NPAS3: variants seen among roughly 807,000 people sequenced by gnomAD.
The protein encoded by NPAS3 is neuronal PAS domain protein 3.
Under a neutral mutation model 73.1 loss-of-function variants are expected in NPAS3, and 14 were observed. That is an observed-to-expected ratio of 0.19 (90% CI 0.13 to 0.30). The LOEUF is 0.30. Ranked by LOEUF, NPAS3 falls within the 10% of genes least tolerant of loss-of-function variation. The pLI, the probability that NPAS3 is intolerant of heterozygous loss-of-function variation, is 1.00. For missense variants in NPAS3, 1,096 were observed against 1,250.0 expected (o/e 0.88, Z 1.86); for synonymous variants, 620 against 541.5 (o/e 1.14, Z -2.01).
At chr14:33,262,878 G>A (rs1466742145) in intron 3 of NPAS3, among the ~76,000 whole-genome samples, 2 of 152,142 alleles carry the variant, frequency 1.3e-5, no homozygotes, top group Non-Finnish European at 2.9e-5. Context: ...GGCCAGTGAT[G>A]ATGAGCATTT....
In NPAS3 at chr14:33,648,430, T is replaced by C. The variant is rs149341102; in HGVS notation, c.559-27781T>C. The stretch of plus-strand genomic sequence containing the variant: ...CCATTTACATCCCTAACCTATTTAA[T>C]GTTTTAAAACATTTTTCACAGAAAA... On this transcript the variant is annotated intron_variant, in intron 5 of 11. Transcript: ENST00000356141. 7.9e-4 allele frequency among the ~76,000 whole-genome samples: 120 copies of C among 152,356 alleles called. No individual in the cohort carries two copies. In the East Asian group the frequency reaches 0.02, roughly 25 times the overall value.
At chr14:33,353,068 C>T (rs1174360471) in intron 3 of NPAS3, among the ~76,000 whole-genome samples, 1 of 150,524 alleles carries the variant, frequency 6.6e-6, no homozygotes, top group Non-Finnish European at 1.5e-5. Flanking sequence ...TTTATATAAA[C>T]ATTTTTGAAA....
At chr14:33,517,553 G>T (rs1158493163) in intron 4 of NPAS3, among the ~76,000 whole-genome samples, 1 of 151,944 alleles carries the variant, frequency 6.6e-6, no homozygotes, top group Non-Finnish European at 1.5e-5. Flanking sequence ...CTTTGCTTAG[G>T]CTGTTTCTTC....
chr14:33,025,008 T>G (rs895606319), intron 1 of NPAS3, among the ~76,000 whole-genome samples: 2 of 152,246 alleles, frequency 1.3e-5, no homozygotes, highest in African/African-American at 4.8e-5. Context: ...TGTGCATATC[T>G]AAATTGTTAG....
chr14:33,115,223 T>C (rs145363818), intron 2 of NPAS3, among the ~76,000 whole-genome samples: 1 of 152,142 alleles, frequency 6.6e-6, no homozygotes, highest in Non-Finnish European at 1.5e-5. Flanking sequence ...CTTTGATAGT[T>C]GGTGGGTGAT....
chr14:33,638,661 A>T (rs2058593576), intron 5 of NPAS3, among the ~76,000 whole-genome samples: 1 of 152,222 alleles, frequency 6.6e-6, no homozygotes, highest in Admixed American at 6.5e-5. Context: ...GGGCAACATC[A>T]TTGCTGGGCT....
intron 5 of NPAS3, among the ~76,000 whole-genome samples, chr14:33,593,132 G>T (rs866791334): frequency 4.6e-5 from 7 of 151,996 alleles, no homozygotes; most frequent in Non-Finnish European, 8.8e-5. Flanking sequence ...AGCACCTATC[G>T]TTTATGAAGT....
chr14:33,618,322 C>T (rs2057981161), intron 5 of NPAS3, among the ~76,000 whole-genome samples: 1 of 152,030 alleles, frequency 6.6e-6, no homozygotes, highest in Non-Finnish European at 1.5e-5. Context: ...AACTATACAA[C>T]TCACCATAAT....
intron 6 of NPAS3, chr14:33,680,843 G>A (rs2140357921): frequency 3.7e-6 from 2 of 547,674 alleles, no homozygotes; most frequent in East Asian, 3.0e-5. Flanking sequence ...TAACCCATTG[G>A]TTGTGTAAAG....
At chr14:33,087,624 A>C (rs557707082) in intron 2 of NPAS3, among the ~76,000 whole-genome samples, 6 of 152,322 alleles carry the variant, frequency 3.9e-5, no homozygotes, top group Non-Finnish European at 8.8e-5. Flanking sequence ...ACAAAAAAGT[A>C]GTATTATATT....
chr14:33,250,469 G>A (rs1233337846), intron 3 of NPAS3, among the ~76,000 whole-genome samples: 5 of 152,060 alleles, frequency 3.3e-5, no homozygotes, highest in African/African-American at 1.2e-4. Flanking sequence ...ATTCCAAAGA[G>A]CGGTATTTTT....
intron 3 of NPAS3, among the ~76,000 whole-genome samples, chr14:33,319,338 C>T (rs974697953): frequency 3.9e-5 from 6 of 152,062 alleles, no homozygotes; most frequent in Admixed American, 3.3e-4. Context: ...TAGACTCTAC[C>T]TCATGATGGG....
intron 3 of NPAS3, among the ~76,000 whole-genome samples, chr14:33,220,277 A>G (rs1237761939): frequency 6.6e-6 from 1 of 152,124 alleles, no homozygotes; most frequent in African/African-American, 2.4e-5. Flanking sequence ...GTTTTGTCCC[A>G]ATCCATAGTA....
At chr14:33,631,154 G>T (rs1268248467) in intron 5 of NPAS3, among the ~76,000 whole-genome samples, 6 of 152,152 alleles carry the variant, frequency 3.9e-5, no homozygotes, top group African/African-American at 7.2e-5. Context: ...GTGCTGCTTT[G>T]CTTCTCTCAT....
chr14:33,179,130 C>G (rs2045704775), intron 2 of NPAS3, among the ~76,000 whole-genome samples: 1 of 151,832 alleles, frequency 6.6e-6, no homozygotes, highest in African/African-American at 2.4e-5. Context: ...TTTTGAAGCA[C>G]CTTTAAATTA....
intron 3 of NPAS3, among the ~76,000 whole-genome samples, chr14:33,301,053 G>A (rs2042509055): frequency 6.6e-6 from 1 of 151,832 alleles, no homozygotes; most frequent in African/African-American, 2.4e-5. Flanking sequence ...AGCACTTGGT[G>A]GGTACTACTC....
intron 2 of NPAS3, among the ~76,000 whole-genome samples, chr14:33,118,660 A>G (rs2043139804): frequency 1.3e-5 from 2 of 152,130 alleles, no homozygotes; most frequent in Non-Finnish European, 2.9e-5. Flanking sequence ...TATCCAGGGC[A>G]AAATATAGCA....
chr14:32,994,611 G>GTTTTTTTT (rs1197652527), intron 1 of NPAS3, among the ~76,000 whole-genome samples: 2 of 129,708 alleles, frequency 1.5e-5, no homozygotes, highest in African/African-American at 6.3e-5. Flanking sequence ...CGCCATTCTA[G>GTTTTTTTT]TTTTTTGTTT....
intron 5 of NPAS3, among the ~76,000 whole-genome samples, chr14:33,638,974 A>G (rs1190290451): frequency 6.6e-6 from 1 of 152,232 alleles, no homozygotes; most frequent in African/African-American, 2.4e-5. Flanking sequence ...TTTGACTTAG[A>G]AAGGCACCGC....
Sources: allele counts gnomAD v4.1 joint callset (sites outside exome capture counted in the v4.1 genomes callset), GRCh38; gene constraint gnomAD v4.1.1; transcripts MANE v1.5; gene names NCBI Gene and HGNC (gene_info 2026-07-23, HGNC 2026-07-21).